The following NKAIN3 variants were observed in gnomAD, a reference collection of about 807,000 sequenced individuals.
NKAIN3 encodes the protein sodium/potassium-transporting ATPase subunit beta-1-interacting protein 3.
A neutral mutation model predicts 30.2 loss-of-function variants in NKAIN3; 25 were observed. The ratio of observed to expected loss-of-function variants is 0.83; its 90% CI spans 0.60 to 1.16. The LOEUF is 1.16. Ranked by LOEUF, NKAIN3 falls within the 50% of genes most tolerant of loss-of-function variation. NKAIN3 has a pLI of 0.00. For synonymous variants in NKAIN3, 91 were observed against 89.6 expected (o/e 1.02, Z -0.09); for missense variants, 225 against 254.1 (o/e 0.89, Z 0.78).
chr8:62,358,139 T>G (rs751214838), intron 1 of NKAIN3, among the ~76,000 whole-genome samples: 6 of 151,938 alleles, frequency 3.9e-5, no homozygotes, highest in Admixed American at 6.5e-5. Context: ...ATCTCAGGCA[T>G]GCATATGGAG....
At chr8:62,881,509 A>G (rs1349316250) in intron 4 of NKAIN3, among the ~76,000 whole-genome samples, 1 of 152,204 alleles carries the variant, frequency 6.6e-6, no homozygotes, top group East Asian at 1.9e-4. Context: ...GGTACTAGCA[A>G]AAGAATAGAC....
chr8:62,408,365 A>G (rs1804140514), intron 1 of NKAIN3, among the ~76,000 whole-genome samples: 2 of 152,132 alleles, frequency 1.3e-5, no homozygotes, highest in African/African-American at 4.8e-5. Context: ...CAGCCCTTGG[A>G]GTTGTGCAGT....
chr8:62,440,033 G>A (rs1388198003), intron 1 of NKAIN3, among the ~76,000 whole-genome samples: 2 of 152,000 alleles, frequency 1.3e-5, no homozygotes, highest in African/African-American at 4.8e-5. Context: ...ATTGAATTCT[G>A]CCTTTCTTTT....
At chr8:62,728,423 G>A (rs1015290823) in intron 3 of NKAIN3, among the ~76,000 whole-genome samples, 27 of 152,308 alleles carry the variant, frequency 1.8e-4, no homozygotes, top group African/African-American at 4.6e-4. Flanking sequence ...AGCACTTTGA[G>A]AGGCCGAGGT....
rs147272507 is a variant in NKAIN3, at chr8:62,845,437, G to A, written c.472-73016G>A. Among the ~76,000 whole-genome samples the A allele has an allele frequency of 1.9e-3, 291 of 151,270 alleles. 9 individuals are homozygous for A. The East Asian group carries it at 0.051, about 26-fold the overall frequency. ...TAGGGACTTCTTTAGCTCACTTGTC[G>A]CCACCATCCCACAGGACCTGAATAT... On this transcript the variant is annotated intron_variant, in intron 4 of 6. Coordinates refer to ENST00000623646, the MANE Select transcript of NKAIN3 (RefSeq NM_001304533.3).
At chr8:62,426,617 T>C (rs1804815294) in intron 1 of NKAIN3, among the ~76,000 whole-genome samples, 1 of 152,008 alleles carries the variant, frequency 6.6e-6, no homozygotes, top group South Asian at 2.1e-4. Context: ...TCTGCAGTGC[T>C]TTCCCAAACT....
At chr8:62,905,727 A>G (rs913197054) in intron 4 of NKAIN3, among the ~76,000 whole-genome samples, 2 of 152,088 alleles carry the variant, frequency 1.3e-5, no homozygotes, top group African/African-American at 2.4e-5. Flanking sequence ...AACACAGCCA[A>G]TAGCCTCAAT....
Position 62,902,338 on chromosome 8 carries a change from A to C in NKAIN3, c.472-16115A>C, listed in dbSNP as rs377611329. Among the ~76,000 whole-genome samples, 116 of 152,346 alleles carry C rather than the reference A, an allele frequency of 7.6e-4. 1 individual carries two copies. The East Asian group carries it at 0.02, about 27-fold the overall frequency. ...TTTTAAGTAGCTAGAGGTTGAAGTCAATAGCTCAAGATGGGAATGTGGGAC... is the reference window on the plus strand; with the variant it reads ...TTTTAAGTAGCTAGAGGTTGAAGTCCATAGCTCAAGATGGGAATGTGGGAC... On this transcript the variant is annotated intron_variant, in intron 4 of 6. Coordinates refer to ENST00000623646, the MANE Select transcript of NKAIN3 (RefSeq NM_001304533.3).
intron 4 of NKAIN3, among the ~76,000 whole-genome samples, chr8:62,876,119 A>G (rs1820787251): frequency 6.6e-6 from 1 of 152,226 alleles, no homozygotes; most frequent in Admixed American, 6.5e-5. Context: ...AGGAATTTAA[A>G]CATATTTACA....
rs1195522170 is a variant in NKAIN3 at position 62,913,585 on chromosome 8, T to C, written c.472-4868T>C. 2.6e-5 allele frequency among the ~76,000 whole-genome samples: 4 copies of C among 152,332 alleles called. No individual in the cohort carries two copies. In the South Asian group the frequency reaches 6.2e-4, roughly 24 times the overall value. On this transcript the variant is annotated intron_variant, in intron 4 of 6. Transcript: ENST00000623646. The stretch of plus-strand genomic sequence containing the variant: ...CAATCTCTGTGCAGGATTTAGTAGA[T>C]TTACAGATTATATTATCTGTTTTTA...
At chr8:62,861,307 T>C (rs1044500144) in intron 4 of NKAIN3, among the ~76,000 whole-genome samples, 1 of 152,192 alleles carries the variant, frequency 6.6e-6, no homozygotes, top group Non-Finnish European at 1.5e-5. Flanking sequence ...GAAAACACCA[T>C]GAACACAATA....
intron 4 of NKAIN3, among the ~76,000 whole-genome samples, chr8:62,909,228 C>T (rs1821865794): frequency 1.3e-5 from 2 of 152,216 alleles, no homozygotes; most frequent in South Asian, 4.1e-4. Flanking sequence ...CATACAAATC[C>T]TATTTGCAAA....
chr8:62,852,210 C>G (rs1235039818), intron 4 of NKAIN3, among the ~76,000 whole-genome samples: 2 of 152,122 alleles, frequency 1.3e-5, no homozygotes, highest in Non-Finnish European at 2.9e-5. Context: ...AGGAATTTAT[C>G]CATTTCTTCT....
intron 6 of NKAIN3, among the ~76,000 whole-genome samples, chr8:62,955,723 G>A (rs1823402098): frequency 6.6e-6 from 1 of 152,182 alleles, no homozygotes; most frequent in African/African-American, 2.4e-5. Flanking sequence ...CTGTGGCATG[G>A]CCCAGAGGCA....
intron 5 of NKAIN3, among the ~76,000 whole-genome samples, chr8:62,939,878 A>G (rs1408223949): frequency 6.6e-6 from 1 of 152,142 alleles, no homozygotes; most frequent in Non-Finnish European, 1.5e-5. Context: ...GGCAACAACT[A>G]GCATGATGAA....
intron 1 of NKAIN3, among the ~76,000 whole-genome samples, chr8:62,459,575 G>A (rs966052549): frequency 6.6e-6 from 1 of 152,128 alleles, no homozygotes; most frequent in Non-Finnish European, 1.5e-5. Flanking sequence ...TAATGTCAAG[G>A]GATGATAAAT....
In NKAIN3 at chr8:62,322,555, T is replaced by A. The variant is rs575571433; in HGVS notation, c.54+73428T>A. Among the ~76,000 whole-genome samples the A allele has an allele frequency of 5.9e-5, 9 of 152,264 alleles. No homozygotes were observed. The South Asian group carries it at 8.3e-4, about 14-fold the overall frequency. ...TTCCAAAATAAAATATAATTTAAAA[T>A]CCAAAATGCTTCTGGTTCCAAGCAT... On this transcript the variant is annotated intron_variant, in intron 1 of 6. Coordinates refer to ENST00000623646, the MANE Select transcript of NKAIN3 (RefSeq NM_001304533.3).
At chr8:62,646,569 A>G (rs1812466046) in intron 3 of NKAIN3, among the ~76,000 whole-genome samples, 1 of 152,176 alleles carries the variant, frequency 6.6e-6, no homozygotes, top group South Asian at 2.1e-4. Flanking sequence ...ATAATAAACC[A>G]CTGTATTTAT....
intron 1 of NKAIN3, among the ~76,000 whole-genome samples, chr8:62,421,184 C>T (rs1804627860): frequency 6.6e-6 from 1 of 152,072 alleles, no homozygotes; most frequent in Non-Finnish European, 1.5e-5. Context: ...GCTACTTGGC[C>T]CTAAGCAGAA....
Sources: allele counts gnomAD v4.1 joint callset (sites outside exome capture counted in the v4.1 genomes callset), GRCh38; gene constraint gnomAD v4.1.1; transcripts MANE v1.5; gene names NCBI Gene and HGNC (gene_info 2026-07-23, HGNC 2026-07-21).